NUDT3: variants seen among roughly 807,000 people sequenced by gnomAD.
NUDT3 encodes diphosphoinositol polyphosphate phosphohydrolase 1.
NUDT3 carries 9 observed loss-of-function variants against 23.6 expected under a neutral mutation model. The observed-to-expected ratio is 0.38, with a 90% CI of 0.23 to 0.66. The LOEUF (loss-of-function observed/expected upper bound fraction) is 0.66. Among genes scored for constraint, NUDT3 ranks in the 30% least tolerant of loss-of-function variants. NUDT3 has a pLI of 0.52. For missense variants in NUDT3, 172 were observed against 218.5 expected (o/e 0.79, Z 1.34); for synonymous variants, 86 against 82.6 (o/e 1.04, Z -0.22).
intron 2 of NUDT3, among the ~76,000 whole-genome samples, chr6:34,303,221 T>C (rs966275709): frequency 1.4e-5 from 2 of 147,380 alleles, no homozygotes; most frequent in East Asian, 2.0e-4. Context: ...TTTTTTTTTT[T>C]TTTTTTGTAG....
chr6:34,306,503 A>T (rs1763680284), intron 2 of NUDT3, among the ~76,000 whole-genome samples: 1 of 152,220 alleles, frequency 6.6e-6, no homozygotes, highest in South Asian at 2.1e-4. Context: ...TAAGCTGTGG[A>T]TATATTTCCT....
intron 1 of NUDT3, among the ~76,000 whole-genome samples, chr6:34,375,756 A>C (rs1764912336): frequency 6.6e-6 from 1 of 152,198 alleles, no homozygotes; most frequent in African/African-American, 2.4e-5. Context: ...AGCCTGATTT[A>C]ATCAACCCAA....
At chr6:34,362,525 A>G (rs578259655) in intron 1 of NUDT3, among the ~76,000 whole-genome samples, 1 of 152,190 alleles carries the variant, frequency 6.6e-6, no homozygotes, top group East Asian at 1.9e-4. Flanking sequence ...TCAACAGATC[A>G]CTAAAGGTTC....
intron 1 of NUDT3, among the ~76,000 whole-genome samples, chr6:34,383,091 C>CA (rs1438356167): frequency 6.8e-6 from 1 of 147,236 alleles, no homozygotes; most frequent in East Asian, 2.0e-4. Context: ...GGCGCCATTG[C>CA]ACTCCAGCCT....
At position 34,286,221 on chromosome 6, in the gene NUDT3, A is replaced by G. The variant is rs929084408; in HGVS notation, c.*2532T>C. The G allele has an allele frequency of 2.0e-5, 3 of 152,184 alleles. No homozygotes were observed. The highest frequency in any genetic ancestry group is 7.2e-5 in the African/African-American group (3 of 41,434). The allele number at this position is 152,184 out of a possible 1,614,324, so 9.4% of individuals were successfully genotyped here. A position where few individuals can be genotyped will look rare whatever the true frequency, so the allele number is the denominator to read the frequency against. ...TTCAGCCTACCAAGTAGCTGGGATT[A>G]CAGGAGTGCACCATCATGCCCAGCT... On this transcript the variant is annotated 3_prime_UTR_variant, in exon 5 of 5. Transcript: ENST00000607016.
At chr6:34,317,206 C>G (rs991784549) in intron 2 of NUDT3, among the ~76,000 whole-genome samples, 5 of 152,098 alleles carry the variant, frequency 3.3e-5, no homozygotes, top group Non-Finnish European at 7.4e-5. Context: ...GCAGTAGAAT[C>G]AAGGCTTATA....
At chr6:34,298,545 T>C (rs946232228) in intron 2 of NUDT3, among the ~76,000 whole-genome samples, 1 of 151,986 alleles carries the variant, frequency 6.6e-6, no homozygotes, top group Admixed American at 6.5e-5. Context: ...ATGCTGCCAT[T>C]TGTACACCAA....
At chr6:34,346,567 C>G (rs900203212) in intron 1 of NUDT3, among the ~76,000 whole-genome samples, 4 of 152,134 alleles carry the variant, frequency 2.6e-5, no homozygotes, top group African/African-American at 7.2e-5. Context: ...GTAAATCTAG[C>G]AAGTGTTATT....
At chr6:34,297,786 G>A (rs1223113780) in intron 2 of NUDT3, among the ~76,000 whole-genome samples, 3 of 127,248 alleles carry the variant, frequency 2.4e-5, no homozygotes, top group Admixed American at 1.6e-4. Flanking sequence ...TAGTAGAGAC[G>A]GGGTTTCATC....
intron 1 of NUDT3, among the ~76,000 whole-genome samples, chr6:34,379,690 C>G (rs551536120): frequency 6.6e-6 from 1 of 152,112 alleles, no homozygotes; most frequent in Non-Finnish European, 1.5e-5. Flanking sequence ...GGATTACAGG[C>G]TTGAGACACT....
At chr6:34,297,841 C>T (rs1345552415) in intron 2 of NUDT3, among the ~76,000 whole-genome samples, 19 of 144,960 alleles carry the variant, frequency 1.3e-4, no homozygotes, top group African/African-American at 3.8e-4. Context: ...ATGATCTGCC[C>T]GCCTCAGCCT....
chr6:34,366,988 G>C (rs1483128048), intron 1 of NUDT3, among the ~76,000 whole-genome samples: 2 of 152,130 alleles, frequency 1.3e-5, no homozygotes, highest in African/African-American at 4.8e-5. Context: ...TGCCTCCTGA[G>C]TTCAGGTGAT....
At chr6:34,391,271 T>C (rs1765194772) in intron 1 of NUDT3, among the ~76,000 whole-genome samples, 1 of 152,150 alleles carries the variant, frequency 6.6e-6, no homozygotes, top group African/African-American at 2.4e-5. Flanking sequence ...CAATATAACA[T>C]ATTGGATTTC....
intron 2 of NUDT3, among the ~76,000 whole-genome samples, chr6:34,329,634 TGAG>T (rs1764096187): frequency 6.6e-6 from 1 of 152,144 alleles, no homozygotes; most frequent in Admixed American, 6.6e-5. Context: ...GGAATTAGGA[TGAG>T]AAGATACTTA....
intron 1 of NUDT3, among the ~76,000 whole-genome samples, chr6:34,345,427 G>A (rs1026478183): frequency 6.6e-6 from 1 of 151,650 alleles, no homozygotes; most frequent in Non-Finnish European, 1.5e-5. Context: ...ACTTAGGGAG[G>A]TCGAGGCGGG....
At chr6:34,363,048 A>G (rs1764673986) in intron 1 of NUDT3, among the ~76,000 whole-genome samples, 1 of 152,196 alleles carries the variant, frequency 6.6e-6, no homozygotes, top group Non-Finnish European at 1.5e-5. Context: ...CATGGATTCT[A>G]ACAGCTTAGA....
chr6:34,303,067 G>GT (rs1763624461), intron 2 of NUDT3, among the ~76,000 whole-genome samples: 2 of 152,206 alleles, frequency 1.3e-5, no homozygotes, highest in South Asian at 4.1e-4. Context: ...CCAAAAATCA[G>GT]TTTTTTCAGA....
At chr6:34,361,114 T>G (rs1315318487) in intron 1 of NUDT3, among the ~76,000 whole-genome samples, 1 of 152,060 alleles carries the variant, frequency 6.6e-6, no homozygotes, top group Non-Finnish European at 1.5e-5. Context: ...TCCCAGCTAC[T>G]TGGGAAGCTG....
chr6:34,336,154 CG>C (rs1764205802), intron 2 of NUDT3, among the ~76,000 whole-genome samples: 1 of 151,894 alleles, frequency 6.6e-6, no homozygotes, highest in African/African-American at 2.4e-5. Context: ...CTGTAATCCC[CG>C]CTACTTGGGA....
Sources: allele counts gnomAD v4.1 joint callset (sites outside exome capture counted in the v4.1 genomes callset), GRCh38; gene constraint gnomAD v4.1.1; transcripts MANE v1.5; gene names NCBI Gene and HGNC (gene_info 2026-07-23, HGNC 2026-07-21).